Variants in CALN1 observed in about 807,000 individuals in gnomAD.
The protein encoded by CALN1 is calcium-binding protein 8.
CALN1 carries 17 observed loss-of-function variants against 30.6 expected under a neutral mutation model. The observed-to-expected ratio is 0.56, with a 90% confidence interval of 0.38 to 0.83. The LOEUF (loss-of-function observed/expected upper bound fraction) is 0.83. CALN1 is among the 40% of genes least tolerant of loss of function. CALN1 has a pLI of 0.00. For missense variants in CALN1, 291 were observed against 354.9 expected (o/e 0.82, Z 1.45); for synonymous variants, 156 against 131.4 (o/e 1.19, Z -1.28).
At chr7:71,809,393 G>A (rs1371502951) in intron 6 of CALN1, among the ~76,000 whole-genome samples, 1 of 131,842 alleles carries the variant, frequency 7.6e-6, no homozygotes, top group Non-Finnish European at 1.5e-5. Context: ...ACAAGACCAG[G>A]CAACCAAATA....
At chr7:72,501,928 A>AATATAT in the CALN1 span, among the ~76,000 whole-genome samples, 1 of 57,940 alleles carries the variant, frequency 1.7e-5, no homozygotes, top group African/African-American at 9.9e-5. Flanking sequence ...AAAAAAAAAA[A>AATATAT]ATATATATAT....
At chr7:72,307,114 A>T (rs1173885605) in intron 2 of CALN1, among the ~76,000 whole-genome samples, 1 of 151,956 alleles carries the variant, frequency 6.6e-6, no homozygotes, top group South Asian at 2.1e-4. Flanking sequence ...GCTTTTTGTA[A>T]TTTTTTTTAA....
At position 72,340,770 on chromosome 7, in the gene CALN1, G is replaced by A. The variant is rs192624422; in HGVS notation, c.120-61960C>T. On this transcript the variant is annotated intron_variant, in intron 2 of 6. Transcript: ENST00000395275. Reference sequence around the variant, plus strand: ...ACATGTTGTGGGAGGGACCTGGTGGGAGATAATTGAACCATGGGGGCGGTT... The same window carrying A: ...ACATGTTGTGGGAGGGACCTGGTGGAAGATAATTGAACCATGGGGGCGGTT... 4.8e-4 allele frequency among the ~76,000 whole-genome samples: 73 copies of A among 152,328 alleles called. 1 individual carries two copies. The highest frequency in any genetic ancestry group is 1.7e-3 in the African/African-American group (69 of 41,574).
At chr7:71,960,665 T>C (rs1584616211) in intron 5 of CALN1, among the ~76,000 whole-genome samples, 1 of 152,214 alleles carries the variant, frequency 6.6e-6, no homozygotes. Flanking sequence ...TTTGATATAA[T>C]GATTTCTTTC....
intron 5 of CALN1, among the ~76,000 whole-genome samples, chr7:71,865,233 A>T (rs1791519679): frequency 6.6e-6 from 1 of 152,056 alleles, no homozygotes; most frequent in Admixed American, 6.6e-5. Flanking sequence ...ATGGTTTAAC[A>T]TTACCCCCTT....
At chr7:72,118,037 A>G (rs755696577) in intron 3 of CALN1, among the ~76,000 whole-genome samples, 1 of 151,876 alleles carries the variant, frequency 6.6e-6, no homozygotes, top group Non-Finnish European at 1.5e-5. Context: ...AAAAAGGTGC[A>G]CAGGCCCAGT....
At chr7:72,144,933 GAC>G (rs201651632) in intron 3 of CALN1, among the ~76,000 whole-genome samples, 24,259 of 151,944 alleles carry the variant, frequency 0.16, 2,399 homozygotes, top group East Asian at 0.29. Context: ...CGAGAACAAA[GAC>G]ACAACATACC....
intron 3 of CALN1, among the ~76,000 whole-genome samples, chr7:72,203,147 G>A (rs893699256): frequency 2.6e-5 from 4 of 152,076 alleles, no homozygotes; most frequent in Admixed American, 2.6e-4. Flanking sequence ...GAGAACACAT[G>A]GACACAGGGA....
At chr7:72,445,594 A>G (rs1468250773) in intron 1 of CALN1, among the ~76,000 whole-genome samples, 1 of 152,172 alleles carries the variant, frequency 6.6e-6, no homozygotes, top group Non-Finnish European at 1.5e-5. Context: ...ACCGATGGGC[A>G]TGGGGATAAT....
At chr7:72,370,221 G>A (rs1804144846) in intron 2 of CALN1, among the ~76,000 whole-genome samples, 1 of 152,100 alleles carries the variant, frequency 6.6e-6, no homozygotes, top group Non-Finnish European at 1.5e-5. Context: ...GATCAATGAT[G>A]TTGAATATCT....
rs1807793294 is a variant in CALN1 at position 72,114,264 on chromosome 7, GAA to G, written c.245-7972_245-7971del. ...AAGTTGAAGGGAAGGGAAGGGAAGG[GAA>G]GGGAAGGGAAGGGAAGGGAAGGGAA... On this transcript the variant is annotated intron_variant, in intron 3 of 6. Coordinates refer to ENST00000395275, the MANE Select transcript of CALN1 (RefSeq NM_031468.4). Among the ~76,000 whole-genome samples, 13 of 67,118 alleles carry G rather than the reference GAA, an allele frequency of 1.9e-4. 1 individual carries two copies. Among genetic ancestry groups the G allele is most frequent in the Admixed American group, 5.4e-4 (3 of 5,540 alleles). 44.0% of individuals were successfully genotyped at this position (67,118 alleles called of 152,430 possible).
intron 3 of CALN1, among the ~76,000 whole-genome samples, chr7:72,249,508 GA>G (rs138139096): frequency 0.19 from 28,742 of 152,114 alleles, 3,768 homozygotes; most frequent in East Asian, 0.43. Context: ...TCTTCAACAA[GA>G]AACAGACCTT....
At chr7:72,104,246 T>G (rs1265809745) in intron 4 of CALN1, 2 of 152,346 alleles carry the variant, frequency 1.3e-5, no homozygotes, top group African/African-American at 2.4e-5. Flanking sequence ...GACCTCCGTC[T>G]GGAGACCAAC....
At chr7:71,933,908 G>A (rs1371023507) in intron 5 of CALN1, among the ~76,000 whole-genome samples, 2 of 152,118 alleles carry the variant, frequency 1.3e-5, no homozygotes, top group South Asian at 2.1e-4. Context: ...GTGAGTGAGT[G>A]ACATGGGATG....
intron 5 of CALN1, among the ~76,000 whole-genome samples, chr7:71,966,590 C>T (rs1264954545): frequency 6.6e-6 from 1 of 152,154 alleles, no homozygotes; most frequent in Non-Finnish European, 1.5e-5. Context: ...TGCCTTCTGC[C>T]ATTATTGTAA....
intron 6 of CALN1, among the ~76,000 whole-genome samples, chr7:71,789,952 A>T (rs987759782): frequency 6.6e-6 from 1 of 151,782 alleles, no homozygotes; most frequent in Non-Finnish European, 1.5e-5. Flanking sequence ...TAAAAAAAAA[A>T]TTTAGCTGGG....
At chr7:72,268,016 TTAAA>T (rs1426458759) in intron 3 of CALN1, among the ~76,000 whole-genome samples, 1 of 152,142 alleles carries the variant, frequency 6.6e-6, no homozygotes, top group Non-Finnish European at 1.5e-5. Flanking sequence ...TTAAAATTTT[TTAAA>T]TAAATAAATA....
At chr7:71,838,819 C>T (rs984417862) in intron 5 of CALN1, among the ~76,000 whole-genome samples, 8 of 152,150 alleles carry the variant, frequency 5.3e-5, no homozygotes, top group South Asian at 2.1e-4. Flanking sequence ...TGAAGAAGGA[C>T]GTGTTTTCTT....
chr7:72,457,324 T>A, the CALN1 span, among the ~76,000 whole-genome samples: 5 of 152,322 alleles, frequency 3.3e-5, no homozygotes, highest in East Asian at 9.6e-4. Context: ...AACTCCACAA[T>A]CTGCCTTAAA....
Sources: allele counts gnomAD v4.1 joint callset (sites outside exome capture counted in the v4.1 genomes callset), GRCh38; gene constraint gnomAD v4.1.1; transcripts MANE v1.5; gene names NCBI Gene and HGNC (gene_info 2026-07-23, HGNC 2026-07-21).